The following OSBPL6 variants were observed in gnomAD, a reference collection of about 807,000 sequenced individuals.
OSBPL6 encodes oxysterol binding protein like 6.
In OSBPL6, 49 loss-of-function variants were observed where a neutral mutation model predicts 125.8. The observed-to-expected ratio is 0.39, with a 90% CI of 0.31 to 0.49. OSBPL6 has a LOEUF of 0.49. OSBPL6 is among the 20% of genes least tolerant of loss of function. The pLI, the probability that OSBPL6 is intolerant of heterozygous loss-of-function variation, is 0.88. For missense variants in OSBPL6, 986 were observed against 1,135.4 expected (o/e 0.87, Z 1.89); for synonymous variants, 394 against 391.8 (o/e 1.01, Z -0.07).
intron 1 of OSBPL6, among the ~76,000 whole-genome samples, chr2:178,257,063 A>G (rs988500760): frequency 1.3e-5 from 2 of 152,210 alleles, no homozygotes; most frequent in Admixed American, 1.3e-4. Context: ...TTAGCATTGG[A>G]AGGCCAAATA....
At chr2:178,392,874 AG>A (rs1359065740) in intron 23 of OSBPL6, among the ~76,000 whole-genome samples, 1 of 151,394 alleles carries the variant, frequency 6.6e-6, no homozygotes, top group East Asian at 1.9e-4. Flanking sequence ...AAAAAAAAAA[AG>A]GCAGACTATT....
chr2:178,196,774 C>T (rs948258933), intron 1 of OSBPL6, among the ~76,000 whole-genome samples: 2 of 152,082 alleles, frequency 1.3e-5, no homozygotes, highest in Non-Finnish European at 2.9e-5. Flanking sequence ...CATACATTCT[C>T]AAAAGAAGGA....
chr2:178,373,799 G>A, intron 14 of OSBPL6, 91 bp from the exon 15 acceptor site: 1 of 1,481,108 alleles, frequency 6.8e-7, no homozygotes, highest in Admixed American at 2.0e-5. Context: ...TTAACATACA[G>A]TATTAAAGAG....
At chr2:178,342,817 G>A (rs1346785220) in intron 11 of OSBPL6, among the ~76,000 whole-genome samples, 1 of 152,120 alleles carries the variant, frequency 6.6e-6, no homozygotes, top group Non-Finnish European at 1.5e-5. Flanking sequence ...GATGTTGAAG[G>A]GAATGAGGAA....
chr2:178,254,047 T>C (rs1169663928), intron 1 of OSBPL6, among the ~76,000 whole-genome samples: 1 of 152,168 alleles, frequency 6.6e-6, no homozygotes, highest in African/African-American at 2.4e-5. Context: ...AAGAAGGCCC[T>C]CACCAGATGC....
intron 1 of OSBPL6, among the ~76,000 whole-genome samples, chr2:178,195,469 G>A (rs967203299): frequency 2.0e-5 from 3 of 152,264 alleles, no homozygotes; most frequent in South Asian, 2.1e-4. Flanking sequence ...GCCTGGAGAA[G>A]TAATGACACA....
At chr2:178,348,307 T>C (rs1270331037) in intron 11 of OSBPL6, among the ~76,000 whole-genome samples, 3 of 152,218 alleles carry the variant, frequency 2.0e-5, no homozygotes, top group Non-Finnish European at 2.9e-5. Flanking sequence ...TTCTTGAAGA[T>C]AATTGAATGC....
intron 1 of OSBPL6, among the ~76,000 whole-genome samples, chr2:178,202,380 A>G (rs2089300154): frequency 1.3e-5 from 2 of 152,168 alleles, no homozygotes; most frequent in South Asian, 2.1e-4. Context: ...TTTTGAAGAT[A>G]TTTTCACTGG....
chr2:178,200,424 A>G (rs2089186783), intron 1 of OSBPL6, among the ~76,000 whole-genome samples: 1 of 151,100 alleles, frequency 6.6e-6, no homozygotes, highest in African/African-American at 2.4e-5. Context: ...GCTAATTTTT[A>G]TATTCTTAGT....
At chr2:178,242,556 T>C (rs554259094) in intron 1 of OSBPL6, among the ~76,000 whole-genome samples, 4 of 152,332 alleles carry the variant, frequency 2.6e-5, no homozygotes, top group South Asian at 2.1e-4. Flanking sequence ...TTTGCTCTTA[T>C]TTAAATTGGT....
chr2:178,299,645 C>T (rs1350186121), intron 2 of OSBPL6, among the ~76,000 whole-genome samples: 2 of 152,114 alleles, frequency 1.3e-5, no homozygotes, highest in African/African-American at 2.4e-5. Context: ...ATTGCCAAGT[C>T]ATTAAAAATC....
chr2:178,354,792 C>T (rs1691612939), intron 12 of OSBPL6, among the ~76,000 whole-genome samples: 1 of 152,190 alleles, frequency 6.6e-6, no homozygotes, highest in Admixed American at 6.5e-5. Flanking sequence ...ATATTCTTCT[C>T]AGCACCACAT....
chr2:178,285,463 T>G (rs75190164), intron 2 of OSBPL6, among the ~76,000 whole-genome samples: 3,974 of 152,248 alleles, frequency 0.026, 173 homozygotes, highest in African/African-American at 0.091. Context: ...TATCCTTGCT[T>G]TCTTTATACA....
At chr2:178,365,068 T>G (rs1189496261) in intron 13 of OSBPL6, among the ~76,000 whole-genome samples, 1 of 151,876 alleles carries the variant, frequency 6.6e-6, no homozygotes, top group East Asian at 1.9e-4. Context: ...CCCAGCTGTT[T>G]GGGAGGTTGA....
At chr2:178,388,557 G>T (rs959894122) in intron 20 of OSBPL6, among the ~76,000 whole-genome samples, 5 of 152,146 alleles carry the variant, frequency 3.3e-5, no homozygotes, top group Non-Finnish European at 7.3e-5. Context: ...CTCTGTGGAT[G>T]CTTTTCCCCA....
intron 14 of OSBPL6, 23 bp from the exon 15 acceptor site, chr2:178,373,867 C>T (rs372578715): frequency 1.5e-5 from 24 of 1,612,982 alleles, no homozygotes; most frequent in Non-Finnish European, 2.0e-5. Flanking sequence ...AGCAATTACA[C>T]TGTATGCTTC....
intron 13 of OSBPL6, among the ~76,000 whole-genome samples, chr2:178,362,867 A>G (rs1692481715): frequency 6.6e-6 from 1 of 152,194 alleles, no homozygotes; most frequent in Non-Finnish European, 1.5e-5. Flanking sequence ...CAGGAGCATG[A>G]GCGTGAAAAT....
chr2:178,238,134 T>C (rs1166053588), intron 1 of OSBPL6, among the ~76,000 whole-genome samples: 1 of 152,206 alleles, frequency 6.6e-6, no homozygotes, highest in Non-Finnish European at 1.5e-5. Flanking sequence ...CCTCCTTCAG[T>C]GGTCCCTCCT....
At chr2:178,321,754 T>A (rs116029021) in intron 3 of OSBPL6, among the ~76,000 whole-genome samples, 4,091 of 152,300 alleles carry the variant, frequency 0.027, 70 homozygotes, top group Middle Eastern at 0.095. Context: ...ACATTAGTGA[T>A]AATAAAAATA....
Sources: gnomAD v4.1 joint callset for allele counts (sites outside exome capture counted in the v4.1 genomes callset) on GRCh38, gnomAD v4.1.1 for gene constraint, MANE v1.5 for transcripts, NCBI Gene and HGNC (gene_info 2026-07-23, HGNC 2026-07-21) for gene names.